The following CHD6 variants were observed in gnomAD, a reference collection of about 807,000 sequenced individuals.
CHD6 encodes the protein chromodomain helicase DNA binding protein 6, also known as ATP-dependent chromatin remodeler CHD6.
In CHD6, 50 loss-of-function variants were observed where a neutral mutation model predicts 276.9. That is an observed-to-expected ratio of 0.18 (90% CI 0.14 to 0.23). CHD6 has a LOEUF of 0.23. CHD6 is among the 10% of genes least tolerant of loss of function. CHD6 has a pLI of 1.00. For missense variants in CHD6, 2,564 were observed against 3,365.8 expected, an observed-to-expected ratio of 0.76 and a Z score of 5.89; for synonymous variants, 1,173 against 1,229.3, an observed-to-expected ratio of 0.95 and a Z score of 0.96.
chr20:41,452,789 A>G lies in CHD6; in HGVS notation c.3274T>C (p.Tyr1092His). ...ACCCGGAAGCACTCCGCTCGGAGGT[A>G]GCGCCTGGCTTTGTCATTGAGGCGC... ...SRRLNDKARR[Y>H]LRAECFRVEK... The change falls in exon 21 of 37, where the codon TAC becomes CAC. Residue 1092 changes from tyrosine to histidine, a missense_variant. Tyr to His is a moderately conservative substitution (Grantham distance 83). This residue lies in a region of CHD6 where 515 missense variants were observed against 739.5 expected (regional missense o/e 0.70). Transcript: ENST00000373233. The surrounding 1 kb of genome is among the most constrained non-coding windows in gnomAD (Gnocchi z 4.2). The G allele has an allele frequency of 6.2e-7, 1 of 1,613,470 alleles. No homozygotes were observed. Among genetic ancestry groups the G allele is most frequent in the Non-Finnish European group, 8.5e-7 (1 of 1,179,898 alleles).
rs1013986648 is a variant in CHD6, at chr20:41,421,105, A to C, written c.5530T>G (p.Leu1844Val). The change falls in exon 31 of 37, where the codon TTA (leucine) becomes GTA (valine). Residue 1844 changes from leucine to valine, a missense_variant. By Grantham distance (32) the Leu-to-Val change is conservative. Transcript: ENST00000373233. Reference sequence around the variant, plus strand: ...CTTTTGTTTTCCAATAAATCAATTAATTGCTGATCTGATGACAGGTTTCTT... The same window carrying C: ...CTTTTGTTTTCCAATAAATCAATTACTTGCTGATCTGATGACAGGTTTCTT... Reference protein sequence around the residue: ...SKRNLSSDQQLIDLLENKSLE... With the variant: ...SKRNLSSDQQVIDLLENKSLE... 2 of 1,614,048 alleles carry C rather than the reference A, an allele frequency of 1.2e-6. No homozygotes were observed. The highest frequency in any genetic ancestry group is 2.2e-5 in the South Asian group (2 of 91,078).
chr20:41,442,289 T>TAA (rs879634907), intron 25 of CHD6, among the ~76,000 whole-genome samples: 9 of 142,612 alleles, frequency 6.3e-5, no homozygotes, highest in African/African-American at 2.3e-4. Context: ...TACAAAAAAT[T>TAA]AAAAAAAAAA....
intron 17 of CHD6, among the ~76,000 whole-genome samples, chr20:41,471,294 G>A (rs946170457): frequency 1.3e-5 from 2 of 152,194 alleles, no homozygotes; most frequent in Non-Finnish European, 2.9e-5. Context: ...ATTGTCGTAA[G>A]TAGGTTCTTG....
chr20:41,425,111 G>A lies in CHD6; in HGVS notation c.4346+67C>T, dbSNP rs980706142. The A allele has an allele frequency of 5.1e-5, 65 of 1,283,286 alleles. 1 individual carries two copies. The South Asian group carries it at 6.1e-4, about 12-fold the overall frequency. 79.5% of individuals were successfully genotyped at this position (1,283,286 alleles called of 1,614,324 possible). A position where few individuals can be genotyped will look rare whatever the true frequency, so the allele number is the denominator to read the frequency against. On this transcript the variant is annotated intron_variant, in intron 29 of 36. Transcript: ENST00000373233. ...AAATATACTCGCCCTCCAAGCTACC[G>A]GCTTTACCTTTTGAAAACTTTACCC...
At chr20:41,430,426 T>C (rs974359200) in intron 27 of CHD6, among the ~76,000 whole-genome samples, 1 of 152,248 alleles carries the variant, frequency 6.6e-6, no homozygotes, top group African/African-American at 2.4e-5. Flanking sequence ...TCCAGTTTAA[T>C]GTCAGTGGCT....
At chr20:41,423,311 GATTTT>G (rs2047256316) in intron 30 of CHD6, among the ~76,000 whole-genome samples, 176 bp downstream of exon 30, 1 of 152,184 alleles carries the variant, frequency 6.6e-6, no homozygotes, top group Non-Finnish European at 1.5e-5. Flanking sequence ...TTGGGAGAGA[GATTTT>G]ATTTTATGAG....
intron 36 of CHD6, among the ~76,000 whole-genome samples, chr20:41,409,827 C>G (rs983477511): frequency 6.6e-6 from 1 of 152,158 alleles, no homozygotes; most frequent in Non-Finnish European, 1.5e-5. Flanking sequence ...TATGTCATGT[C>G]TGCAATTTAC....
chr20:41,481,721 TA>T (rs773742983), intron 16 of CHD6, among the ~76,000 whole-genome samples: 2 of 152,078 alleles, frequency 1.3e-5, no homozygotes, highest in Non-Finnish European at 2.9e-5. Flanking sequence ...TTAAGTACTT[TA>T]AAGGGATATT....
At chr20:41,573,240 G>A (rs1001305144) in intron 1 of CHD6, among the ~76,000 whole-genome samples, 5 of 152,120 alleles carry the variant, frequency 3.3e-5, no homozygotes, top group Non-Finnish European at 5.9e-5. Context: ...ATCTAGAACA[G>A]ATTAAGGACA....
At chr20:41,423,888 C>T (rs1313873932) in intron 29 of CHD6, among the ~76,000 whole-genome samples, 188 bp from the exon 30 acceptor site, 3 of 152,250 alleles carry the variant, frequency 2.0e-5, no homozygotes, top group East Asian at 3.9e-4. Context: ...GCCTATTATC[C>T]AACTCCCAAA....
At position 41,404,005 on chromosome 20, in the gene CHD6, GTTT is replaced by G. The variant is rs2046599728; in HGVS notation, c.*585_*587del. 9.5e-7 allele frequency: 1 copy of G among 1,051,690 alleles called. No individual in the cohort carries two copies. The highest frequency in any genetic ancestry group is 1.1e-6 in the Non-Finnish European group (1 of 870,672). 65.1% of individuals were successfully genotyped at this position (1,051,690 alleles called of 1,614,324 possible). A position where few individuals can be genotyped will look rare whatever the true frequency, so the allele number is the denominator to read the frequency against. On this transcript the variant is annotated 3_prime_UTR_variant, in exon 37 of 37. Transcript: ENST00000373233. ...GGGAAATTATATTACTACCGGTAAG[GTTT>G]TTGTTTTTTATAAAGAAATGAATAT... is the stretch of plus-strand genomic sequence containing the variant.
chr20:41,407,660 G>T (rs193123881), intron 36 of CHD6, among the ~76,000 whole-genome samples: 1,722 of 152,316 alleles, frequency 0.011, 12 homozygotes, highest in Middle Eastern at 0.017. Context: ...GGTGGTACTG[G>T]TTTCAGGTTC....
intron 35 of CHD6, among the ~76,000 whole-genome samples, chr20:41,412,988 G>C (rs1247720029): frequency 6.6e-6 from 1 of 152,192 alleles, no homozygotes; most frequent in Non-Finnish European, 1.5e-5. Context: ...CATTTTCATA[G>C]GTGGCAGAGT....
intron 2 of CHD6, among the ~76,000 whole-genome samples, chr20:41,545,001 G>C (rs1468860003): frequency 6.6e-6 from 1 of 152,134 alleles, no homozygotes; most frequent in African/African-American, 2.4e-5. Context: ...AATTAGGAGA[G>C]AGAGAAAATA....
chr20:41,567,733 A>G (rs1446427009), intron 1 of CHD6, among the ~76,000 whole-genome samples: 1 of 152,208 alleles, frequency 6.6e-6, no homozygotes, highest in African/African-American at 2.4e-5. Context: ...GCTGCTTACC[A>G]GCATGCCAAG....
chr20:41,427,203 A>G (rs1443600186), intron 27 of CHD6, among the ~76,000 whole-genome samples: 1 of 150,652 alleles, frequency 6.6e-6, no homozygotes. Context: ...AACATGGTAG[A>G]CCAGTAATCT....
chr20:41,567,157 T>A (rs1157350205), intron 1 of CHD6, among the ~76,000 whole-genome samples: 1 of 152,160 alleles, frequency 6.6e-6, no homozygotes, highest in African/African-American at 2.4e-5. Context: ...TGTTGTTAAT[T>A]GACTGTACCC....
At chr20:41,570,449 T>C (rs2045404511) in intron 1 of CHD6, among the ~76,000 whole-genome samples, 2 of 152,238 alleles carry the variant, frequency 1.3e-5, no homozygotes, top group Admixed American at 6.5e-5. Context: ...AGTACACATA[T>C]ACTAGTTGGG....
chr20:41,438,609 A>C (rs2145587512), intron 26 of CHD6, among the ~76,000 whole-genome samples: 1 of 152,188 alleles, frequency 6.6e-6, no homozygotes, highest in Middle Eastern at 3.4e-3. Context: ...AAAAACCCCC[A>C]AAAAACTGCC....
Sources: allele counts gnomAD v4.1 joint callset (sites outside exome capture counted in the v4.1 genomes callset), GRCh38; gene constraint gnomAD v4.1.1; regional missense constraint gnomAD v4.1.1; non-coding constraint Gnocchi (gnomAD v3.1); transcripts MANE v1.5; gene names NCBI Gene and HGNC (gene_info 2026-07-23, HGNC 2026-07-21).